Variants in DNAH6 observed in about 807,000 individuals in gnomAD.
DNAH6 encodes axonemal beta dynein heavy chain 6.
A neutral mutation model predicts 491.4 loss-of-function variants in DNAH6; 340 were observed. The observed-to-expected ratio is 0.69, with a 90% CI of 0.63 to 0.76. The LOEUF (loss-of-function observed/expected upper bound fraction) is 0.76. Among genes scored for constraint, DNAH6 ranks in the 30% least tolerant of loss-of-function variants. DNAH6 has a pLI of 0.00. For missense variants in DNAH6, 4,443 were observed against 4,972.2 expected, an observed-to-expected ratio of 0.89 and a Z score of 3.20; for synonymous variants, 1,603 against 1,686.1, an observed-to-expected ratio of 0.95 and a Z score of 1.21.
Position 84,518,020 on chromosome 2 carries a change from A to G in DNAH6, c.194A>G (p.Lys65Arg). Residue 65 changes from lysine (K) to arginine (R), a missense_variant, in exon 2 of 77, where the codon AAA becomes AGA. Physicochemically the swap from Lys to Arg is conservative, Grantham distance 26. Transcript: ENST00000389394. ...HITKAQEKTR[K>R]RQQPIKLEPL... Reference sequence around the variant, plus strand: ...ACAAAAGCTCAGGAGAAGACAAGAAAACGACAGCAGCCTATAAAACTAGAG... The same window carrying G: ...ACAAAAGCTCAGGAGAAGACAAGAAGACGACAGCAGCCTATAAAACTAGAG... 6.5e-7 allele frequency: 1 copy of G among 1,538,676 alleles called. No individual in the cohort carries two copies. Among genetic ancestry groups the G allele is most frequent in the Non-Finnish European group, 8.8e-7 (1 of 1,139,754 alleles).
intron 45 of DNAH6, 103 bp from the exon 46 acceptor site, chr2:84,694,146 G>A: frequency 1.0e-6 from 1 of 981,074 alleles, no homozygotes; most frequent in Non-Finnish European, 1.5e-6. Flanking sequence ...CCTGCCCAGG[G>A]AGGAGGCTCC....
chr2:84,703,676 G>T, intron 50 of DNAH6, 114 bp downstream of exon 50: 1 of 993,890 alleles, frequency 1.0e-6, no homozygotes, highest in Non-Finnish European at 1.4e-6. Context: ...ATAATTAAGT[G>T]ATAGATTTAG....
At position 84,805,761 on chromosome 2, in the gene DNAH6, GA is replaced by G; in HGVS notation, c.11580del (p.Glu3860AspfsTer32). On this transcript the variant is annotated frameshift_variant, in exon 71 of 77. Coordinates refer to ENST00000389394, the MANE Select transcript of DNAH6 (RefSeq NM_001370.2). LOFTEE classifies it high-confidence loss of function. ...EGKSNDEIVQ[E>X]LVASVQTRVP... ...AAAAAGCAATGACGAAATTGTTCAA[GA>G]ACTTGTTGCTTCTGTCCAGACCAGA... 1 of 1,551,512 alleles carries G rather than the reference GA, an allele frequency of 6.4e-7. No individual in the cohort carries two copies. Among genetic ancestry groups the G allele is most frequent in the African/African-American group, 1.4e-5 (1 of 73,162 alleles).
intron 40 of DNAH6, among the ~76,000 whole-genome samples, chr2:84,676,219 G>T (rs1303835302): frequency 6.6e-6 from 1 of 152,188 alleles, no homozygotes; most frequent in Non-Finnish European, 1.5e-5. Context: ...TCCCAGATGA[G>T]GTGGAACAAG....
At chr2:84,726,905 A>G (rs565325063) in intron 60 of DNAH6, among the ~76,000 whole-genome samples, 1 of 152,300 alleles carries the variant, frequency 6.6e-6, no homozygotes, top group African/African-American at 2.4e-5. Flanking sequence ...CCTTCCCAGT[A>G]TCTTTATAAT....
At chr2:84,487,906 T>C in the DNAH6 span, among the ~76,000 whole-genome samples, 2 of 152,074 alleles carry the variant, frequency 1.3e-5, no homozygotes, top group Non-Finnish European at 2.9e-5. Context: ...AAAAGTACAT[T>C]CCTGGGGACA....
intron 73 of DNAH6, among the ~76,000 whole-genome samples, 179 bp from the exon 74 acceptor site, chr2:84,812,879 A>G (rs1254670339): frequency 6.6e-6 from 1 of 152,158 alleles, no homozygotes. Context: ...CTGTGTCCAC[A>G]GTCATCAGGC....
chr2:84,716,402 C>G (rs1255210422), intron 58 of DNAH6, among the ~76,000 whole-genome samples: 1 of 151,144 alleles, frequency 6.6e-6, no homozygotes, highest in Non-Finnish European at 1.5e-5. Flanking sequence ...ATAGGAATAC[C>G]TATGTATGTA....
rs1417595005 is a variant in DNAH6, at chr2:84,579,679, G to A, written c.2229G>A (p.Arg743=). Residue 743 remains arginine (R), a splice_region_variant and synonymous_variant, in exon 14 of 77, where the codon CGG becomes CGA. Transcript: ENST00000389394. ...SLLFLDEIQE[R]IESLEDEGNI... is the part of the protein sequence containing the mutation. ...TATTTCTTGATGAAATTCAGGAACGGGTGAGTTGATTATCTCATATAACTC... is the reference window on the plus strand; with the variant it reads ...TATTTCTTGATGAAATTCAGGAACGAGTGAGTTGATTATCTCATATAACTC... 1.3e-6 allele frequency: 2 copies of A among 1,577,546 alleles called. No homozygotes were observed. Among genetic ancestry groups the A allele is most frequent in the East Asian group, 4.5e-5 (2 of 44,168 alleles).
At chr2:84,549,810 T>C in intron 8 of DNAH6, 79 bp from the exon 9 acceptor site, 1 of 953,632 alleles carries the variant, frequency 1.0e-6, no homozygotes, top group South Asian at 1.9e-5. Context: ...ACATTTTAAA[T>C]ATTTGCTTTA....
chr2:84,577,756 T>A (rs2103982349), intron 13 of DNAH6, among the ~76,000 whole-genome samples: 1 of 152,300 alleles, frequency 6.6e-6, no homozygotes, highest in South Asian at 2.1e-4. Context: ...AGATCAAGTT[T>A]AGGAAATCAT....
intron 2 of DNAH6, 41 bp from the exon 3 acceptor site, chr2:84,525,524 G>T: frequency 6.6e-7 from 1 of 1,505,818 alleles, no homozygotes; most frequent in South Asian, 1.3e-5. Flanking sequence ...AAGTTTATAC[G>T]AATGTTAATA....
chr2:84,714,553 C>T (rs749084047), intron 57 of DNAH6, among the ~76,000 whole-genome samples: 7 of 151,864 alleles, frequency 4.6e-5, no homozygotes, highest in South Asian at 2.1e-4. Context: ...TGCAACAGGG[C>T]GACTACAGTC....
the DNAH6 span, among the ~76,000 whole-genome samples, chr2:84,480,105 A>T: frequency 3.9e-5 from 6 of 152,224 alleles, no homozygotes; most frequent in African/African-American, 1.4e-4. Context: ...CTATACAAAG[A>T]TGAGCCTTTA....
At chr2:84,790,656 G>A (rs566553601) in intron 68 of DNAH6, among the ~76,000 whole-genome samples, 1 of 152,228 alleles carries the variant, frequency 6.6e-6, no homozygotes, top group African/African-American at 2.4e-5. Flanking sequence ...TGTCATGAGG[G>A]AAATGAAAGT....
chr2:84,758,540 C>T (rs1674267316), intron 63 of DNAH6, among the ~76,000 whole-genome samples: 1 of 151,936 alleles, frequency 6.6e-6, no homozygotes, highest in African/African-American at 2.4e-5. Context: ...TGCTAGCAAA[C>T]TAATTCAATG....
intron 2 of DNAH6, among the ~76,000 whole-genome samples, chr2:84,523,834 C>T (rs1676361320): frequency 6.6e-6 from 1 of 151,972 alleles, no homozygotes; most frequent in Non-Finnish European, 1.5e-5. Context: ...GGTATAATTT[C>T]AGTTCTTTTG....
At chr2:84,508,768 C>G in the DNAH6 span, among the ~76,000 whole-genome samples, 2 of 152,100 alleles carry the variant, frequency 1.3e-5, no homozygotes, top group South Asian at 4.2e-4. Flanking sequence ...TACGTTGTGT[C>G]TTTGTTCTCG....
At chr2:84,814,579 C>T (rs1367739737) in intron 75 of DNAH6, among the ~76,000 whole-genome samples, 2 of 152,146 alleles carry the variant, frequency 1.3e-5, no homozygotes, top group Non-Finnish European at 2.9e-5. Flanking sequence ...AAACTTGAGG[C>T]TCCAGGAAGG....
Sources: gnomAD v4.1 joint callset for allele counts (sites outside exome capture counted in the v4.1 genomes callset) on GRCh38, gnomAD v4.1.1 for gene constraint, MANE v1.5 for transcripts, NCBI Gene and HGNC (gene_info 2026-07-23, HGNC 2026-07-21) for gene names.